The following KIAA1217 variants were observed in gnomAD, a reference collection of about 807,000 sequenced individuals.
KIAA1217 encodes the protein KIAA1217.
Under a neutral mutation model 163.9 loss-of-function variants are expected in KIAA1217, and 88 were observed. The ratio of observed to expected loss-of-function variants is 0.54; its 90% CI spans 0.45 to 0.64. KIAA1217 has a LOEUF of 0.64. KIAA1217 is among the 30% of genes least tolerant of loss of function. The pLI, the probability that KIAA1217 is intolerant of heterozygous loss-of-function variation, is 0.00. For synonymous variants in KIAA1217, 903 were observed against 923.1 expected (o/e 0.98, Z 0.39); for missense variants, 2,372 against 2,475.0 (o/e 0.96, Z 0.88).
At chr10:23,831,027 C>T (rs1838166634) in intron 1 of KIAA1217, among the ~76,000 whole-genome samples, 1 of 152,094 alleles carries the variant, frequency 6.6e-6, no homozygotes, top group African/African-American at 2.4e-5. Flanking sequence ...GAGCCCTGAG[C>T]TGAGTTGACC....
At chr10:24,187,637 T>C (rs1215660969) in intron 2 of KIAA1217, among the ~76,000 whole-genome samples, 4 of 152,112 alleles carry the variant, frequency 2.6e-5, no homozygotes, top group Non-Finnish European at 5.9e-5. Flanking sequence ...ACGCCTATAA[T>C]CCCAGCACTT....
intron 5 of KIAA1217, among the ~76,000 whole-genome samples, chr10:24,466,969 A>G (rs61857361): frequency 0.094 from 14,368 of 152,158 alleles, 694 homozygotes; most frequent in South Asian, 0.12. Context: ...AGCAATATAT[A>G]TATATATAAA....
chr10:24,418,835 T>C (rs2058487493), intron 3 of KIAA1217, among the ~76,000 whole-genome samples: 1 of 152,274 alleles, frequency 6.6e-6, no homozygotes, highest in South Asian at 2.1e-4. Flanking sequence ...CTTTTTTTTT[T>C]TTCCTGGGGC....
At chr10:23,896,176 G>T (rs971919491) in intron 1 of KIAA1217, among the ~76,000 whole-genome samples, 3 of 151,576 alleles carry the variant, frequency 2.0e-5, no homozygotes, top group East Asian at 1.9e-4. Context: ...AAAAGTAGAA[G>T]AATAATCAAA....
intron 1 of KIAA1217, among the ~76,000 whole-genome samples, chr10:23,781,755 A>G (rs1450100364): frequency 6.6e-6 from 1 of 152,166 alleles, no homozygotes; most frequent in African/African-American, 2.4e-5. Flanking sequence ...TGTAGAGTGT[A>G]AGATGAGATC....
chr10:24,073,059 GAA>G (rs532104668), intron 2 of KIAA1217, among the ~76,000 whole-genome samples: 13 of 122,944 alleles, frequency 1.1e-4, no homozygotes, highest in Admixed American at 2.6e-4. Context: ...ACTCTGTCTT[GAA>G]AAAAAAAAAA....
At chr10:24,464,528 G>A (rs2062747423) in intron 5 of KIAA1217, among the ~76,000 whole-genome samples, 1 of 152,224 alleles carries the variant, frequency 6.6e-6, no homozygotes, top group East Asian at 1.9e-4. Flanking sequence ...CTGTCACCCA[G>A]GCTGGAGCGC....
intron 2 of KIAA1217, among the ~76,000 whole-genome samples, chr10:24,343,982 A>G (rs1229538783): frequency 6.6e-6 from 1 of 152,142 alleles, no homozygotes; most frequent in East Asian, 1.9e-4. Flanking sequence ...TTGAGTGACT[A>G]TATTTTTAGT....
At chr10:24,253,379 C>T (rs949288442) in intron 2 of KIAA1217, among the ~76,000 whole-genome samples, 2 of 152,134 alleles carry the variant, frequency 1.3e-5, no homozygotes, top group South Asian at 2.1e-4. Flanking sequence ...CAGGGTGCTA[C>T]GTAGCTCACC....
At chr10:24,205,671 G>C (rs146326790), upstream of KIAA1217, among the ~76,000 whole-genome samples, 182 of 151,880 alleles carry the variant, frequency 1.2e-3, no homozygotes, top group East Asian at 0.031. Flanking sequence ...TACTTGGGAG[G>C]CTGAGGCAGG....
intron 1 of KIAA1217, among the ~76,000 whole-genome samples, chr10:23,861,494 C>G (rs1436016660): frequency 6.6e-6 from 1 of 152,116 alleles, no homozygotes; most frequent in Non-Finnish European, 1.5e-5. Flanking sequence ...GGGTCACATG[C>G]TTTAAAATGG....
intron 9 of KIAA1217, among the ~76,000 whole-genome samples, chr10:24,511,164 A>AT (rs1245468032): frequency 1.4e-5 from 2 of 138,834 alleles, no homozygotes; most frequent in Non-Finnish European, 3.1e-5. Context: ...AAAAAAAAAA[A>AT]AAAAAAAAAG....
intron 1 of KIAA1217, among the ~76,000 whole-genome samples, chr10:23,781,368 T>C (rs992836262): frequency 3.3e-5 from 5 of 152,354 alleles, no homozygotes; most frequent in Non-Finnish European, 7.3e-5. Context: ...TAATTAGTGA[T>C]GTTGAGCACT....
intron 1 of KIAA1217, among the ~76,000 whole-genome samples, chr10:23,920,107 T>A (rs1233589973): frequency 6.6e-6 from 1 of 152,226 alleles, no homozygotes; most frequent in African/African-American, 2.4e-5. Context: ...AAGGACAAAA[T>A]GTCCTCAGCT....
At chr10:24,495,085 TAA>T (rs71506836) in intron 7 of KIAA1217, 60 bp from the exon 8 acceptor site, 233,902 of 1,205,944 alleles carry the variant, frequency 0.19, 7,259 homozygotes, top group South Asian at 0.31. Context: ...GAATGGGCTT[TAA>T]AAAAAAAAAA....
chr10:23,725,542 A>G (rs1323388267), intron 1 of KIAA1217, among the ~76,000 whole-genome samples: 2 of 152,222 alleles, frequency 1.3e-5, no homozygotes, highest in African/African-American at 4.8e-5. Context: ...GCATTCATGT[A>G]TCAGATCTAT....
At chr10:23,961,885 T>C (rs906665493) in intron 1 of KIAA1217, among the ~76,000 whole-genome samples, 1 of 152,188 alleles carries the variant, frequency 6.6e-6, no homozygotes, top group Admixed American at 6.5e-5. Context: ...CTCTCTCTCT[T>C]CACTTTGTTT....
rs765603670 is a variant in KIAA1217 at position 24,524,706 on chromosome 10, G to C, written c.2840G>C (p.Ser947Thr). The change falls in exon 13 of 21, where the codon AGC becomes ACC. Residue 947 changes from serine (S) to threonine (T), a missense_variant. Transcript: ENST00000376454. ...QIPMNGSAMQ[S>T]LFIEEIHSVS... ...CCCATGAATGGGTCTGCCATGCAGA[G>C]CTTGTTCATTGAAGAAATCCACAGT... The C allele has an allele frequency of 5.0e-6, 8 of 1,612,050 alleles. No individual in the cohort carries two copies. Among genetic ancestry groups the C allele is most frequent in the Non-Finnish European group, 6.8e-6 (8 of 1,178,392 alleles).
chr10:24,039,052 T>C (rs1186918571), intron 2 of KIAA1217, among the ~76,000 whole-genome samples: 1 of 152,152 alleles, frequency 6.6e-6, no homozygotes, highest in African/African-American at 2.4e-5. Context: ...CTGAAAATTG[T>C]TGTTGTAAAT....
Sources: gnomAD v4.1 joint callset for allele counts (sites outside exome capture counted in the v4.1 genomes callset) on GRCh38, gnomAD v4.1.1 for gene constraint, MANE v1.5 for transcripts, NCBI Gene and HGNC (gene_info 2026-07-23, HGNC 2026-07-21) for gene names.